ATP5MC2: variants seen among roughly 807,000 people sequenced by gnomAD.
ATP5MC2 encodes the protein ATP synthase F(0) complex subunit C2, mitochondrial.
Under a neutral mutation model 13.5 loss-of-function variants are expected in ATP5MC2, and 11 were observed. The ratio of observed to expected loss-of-function variants is 0.81; its 90% CI spans 0.51 to 1.35. The LOEUF (loss-of-function observed/expected upper bound fraction) is 1.35, where lower values mean the gene tolerates loss of function less well. Ranked by LOEUF, ATP5MC2 falls within the 40% of genes most tolerant of loss-of-function variation. The probability of loss-of-function intolerance (pLI) is 0.00; values close to 1 mark genes in which losing one functional copy is unlikely to be tolerated. For missense variants in ATP5MC2, 132 were observed against 175.0 expected (o/e 0.75, Z 1.39); for synonymous variants, 64 against 69.7 (o/e 0.92, Z 0.41).
chr12:53,676,321 C>A, upstream of ATP5MC2: 1 of 1,404,912 alleles, frequency 7.1e-7, no homozygotes, highest in African/African-American at 1.4e-5. Flanking sequence ...CGATCCGTAA[C>A]GTGGACTGCG....
upstream of ATP5MC2, among the ~76,000 whole-genome samples, chr12:53,680,035 G>C (rs967436803): frequency 2.0e-5 from 3 of 152,014 alleles, no homozygotes; most frequent in African/African-American, 7.2e-5. Flanking sequence ...ACCCAGGCTG[G>C]GGTGCGGTGA....
upstream of ATP5MC2, among the ~76,000 whole-genome samples, chr12:53,679,808 G>A (rs1282824115): frequency 1.3e-5 from 2 of 152,132 alleles, no homozygotes; most frequent in Non-Finnish European, 2.9e-5. Flanking sequence ...AGGACTGTGA[G>A]ACATCGGTAA....
At chr12:53,680,418 A>T, upstream of ATP5MC2, among the ~76,000 whole-genome samples, 1 of 152,258 alleles carries the variant, frequency 6.6e-6, no homozygotes, top group Admixed American at 6.5e-5. Flanking sequence ...GTGTACACAT[A>T]TAACTATAAT....
chr12:53,666,930 C>T (rs1452480554), intron 4 of ATP5MC2, among the ~76,000 whole-genome samples: 4 of 126,500 alleles, frequency 3.2e-5, no homozygotes, highest in Admixed American at 9.4e-5. Flanking sequence ...TGGGAGACAG[C>T]GAGACTCAGT....
At position 53,669,359 on chromosome 12, in the gene ATP5MC2, G is replaced by A; in HGVS notation, c.118-18C>T. The A allele has an allele frequency of 6.2e-7, 1 of 1,603,716 alleles. No homozygotes were observed. ...CTGAGGCTCTGTGAAAAAGAGGCAG[G>A]TAGAAGGTAAAGTTTTTTGCTTTGG... is the stretch of plus-strand genomic sequence containing the variant. On this transcript the variant is annotated intron_variant, in intron 3 of 4. Coordinates refer to ENST00000394349, the MANE Select transcript of ATP5MC2 (RefSeq NM_005176.7).
upstream of ATP5MC2, chr12:53,676,331 G>T: frequency 7.5e-7 from 1 of 1,329,344 alleles, no homozygotes; most frequent in Non-Finnish European, 1.0e-6. Context: ...CGTGGACTGC[G>T]GTTTGGTCTG....
At chr12:53,677,878 C>A (rs1314798557), upstream of ATP5MC2, among the ~76,000 whole-genome samples, 1 of 152,190 alleles carries the variant, frequency 6.6e-6, no homozygotes, top group Non-Finnish European at 1.5e-5. Flanking sequence ...CATCTCCATT[C>A]CCACCAAAAC....
chr12:53,679,468 C>T (rs1945329681), upstream of ATP5MC2, among the ~76,000 whole-genome samples: 1 of 152,200 alleles, frequency 6.6e-6, no homozygotes, highest in Non-Finnish European at 1.5e-5. Context: ...GGAGTCTAGT[C>T]CTAGCCCTGC....
chr12:53,673,547 G>C (rs1204697801), intron 1 of ATP5MC2: 1 of 152,456 alleles, frequency 6.6e-6, no homozygotes, highest in East Asian at 1.9e-4. Flanking sequence ...TTAGTGGCTG[G>C]GCGCAGTGGC....
chr12:53,666,856 G>C (rs1360676110), intron 4 of ATP5MC2, among the ~76,000 whole-genome samples: 2 of 149,846 alleles, frequency 1.3e-5, no homozygotes, highest in African/African-American at 2.5e-5. Flanking sequence ...TGAGGCAGGA[G>C]AATCATTTGA....
In ATP5MC2 at chr12:53,672,105, A is replaced by T. The variant is rs935081597; in HGVS notation, c.39+471T>A. On this transcript the variant is annotated intron_variant, in intron 2 of 4. Coordinates refer to ENST00000394349, the MANE Select transcript of ATP5MC2 (RefSeq NM_005176.7). Reference sequence around the variant, plus strand: ...TCTCAAAAAAAAAAAAAAAAAAAAAATTAACTGGCCGCCAAGGGATATGGG... The same window carrying T: ...TCTCAAAAAAAAAAAAAAAAAAAAATTTAACTGGCCGCCAAGGGATATGGG... Among the ~76,000 whole-genome samples the T allele has an allele frequency of 5.6e-3, 842 of 150,446 alleles. 51 individuals carry two copies. Among genetic ancestry groups the T allele is most frequent in the Admixed American group, 0.053 (792 of 14,886 alleles).
chr12:53,674,920 AG>A (rs1408357907), intron 1 of ATP5MC2, among the ~76,000 whole-genome samples: 1 of 152,224 alleles, frequency 6.6e-6, no homozygotes, highest in Non-Finnish European at 1.5e-5. Context: ...TTCTTTTCTA[AG>A]GGAATTATAC....
upstream of ATP5MC2, among the ~76,000 whole-genome samples, chr12:53,681,374 A>G (rs1945338719): frequency 6.6e-6 from 1 of 151,310 alleles, no homozygotes; most frequent in Non-Finnish European, 1.5e-5. Flanking sequence ...AAAAATACAA[A>G]AATTAGCTGG....
At chr12:53,670,618 TTC>T (rs1172392874) in intron 2 of ATP5MC2, among the ~76,000 whole-genome samples, 6 of 151,698 alleles carry the variant, frequency 4.0e-5, no homozygotes, top group African/African-American at 1.5e-4. Context: ...GTTTCTTTCT[TTC>T]TTTCTTTTTT....
At chr12:53,676,326 A>C (rs183208747), upstream of ATP5MC2, 7 of 1,387,208 alleles carry the variant, frequency 5.0e-6, no homozygotes, top group Admixed American at 9.5e-5. Flanking sequence ...CGTAACGTGG[A>C]CTGCGGTTTG....
At chr12:53,667,495 G>A (rs1180577900) in intron 4 of ATP5MC2, among the ~76,000 whole-genome samples, 3 of 149,126 alleles carry the variant, frequency 2.0e-5, no homozygotes, top group African/African-American at 4.9e-5. Flanking sequence ...TTTTAAAAAT[G>A]CGAAACTATT....
upstream of ATP5MC2, among the ~76,000 whole-genome samples, chr12:53,680,586 T>G (rs1429141444): frequency 6.6e-6 from 1 of 152,052 alleles, no homozygotes; most frequent in Non-Finnish European, 1.5e-5. Flanking sequence ...TCCCAGCACT[T>G]TGGGAAGCTG....
chr12:53,672,307 T>C (rs1468359672), intron 2 of ATP5MC2, among the ~76,000 whole-genome samples: 1 of 152,042 alleles, frequency 6.6e-6, no homozygotes, highest in Non-Finnish European at 1.5e-5. Flanking sequence ...CTGCAACCTC[T>C]ACCTCCTGGG....
chr12:53,669,916 C>A lies in ATP5MC2; in HGVS notation c.72G>T (p.Pro24=). Residue 24 remains proline (P), a synonymous_variant, in exon 3 of 5, where the codon CCG becomes CCT. Transcript: ENST00000394349. ...GTCGTTTCAGCACCACTGCAGATAG[C>A]GGACGGCTCAGCAGCTGTGAGGTGC... ...VKSTSQLLSR[P]LSAVVLKRPE... is the part of the protein sequence containing the mutation. The A allele has an allele frequency of 3.1e-6, 5 of 1,614,050 alleles. No homozygotes were observed. The highest frequency in any genetic ancestry group is 8.5e-7 in the Non-Finnish European group (1 of 1,179,948).
Sources: gnomAD v4.1 joint callset for allele counts (sites outside exome capture counted in the v4.1 genomes callset) on GRCh38, gnomAD v4.1.1 for gene constraint, MANE v1.5 for transcripts, NCBI Gene and HGNC (gene_info 2026-07-23, HGNC 2026-07-21) for gene names.